The following SLC24A2 variants were observed in gnomAD, a reference collection of about 807,000 sequenced individuals.
The protein encoded by SLC24A2 is sodium/potassium/calcium exchanger 2.
In SLC24A2, 36 loss-of-function variants were observed where a neutral mutation model predicts 62.0. The observed-to-expected ratio is 0.58, with a 90% CI of 0.44 to 0.77. The LOEUF is 0.77. SLC24A2 is among the 30% of genes least tolerant of loss of function. The probability of loss-of-function intolerance (pLI) is 0.00; values close to 1 mark genes in which losing one functional copy is unlikely to be tolerated. For missense variants in SLC24A2, 846 were observed against 817.9 expected, an observed-to-expected ratio of 1.03 and a Z score of -0.42; for synonymous variants, 358 against 294.0, an observed-to-expected ratio of 1.22 and a Z score of -2.23.
chr9:19,963,613 A>T, the SLC24A2 span, among the ~76,000 whole-genome samples: 1 of 152,364 alleles, frequency 6.6e-6, no homozygotes, highest in South Asian at 2.1e-4. Flanking sequence ...AAAACACATG[A>T]AAAAATGCTC....
At chr9:20,218,526 G>A in the SLC24A2 span, among the ~76,000 whole-genome samples, 4 of 152,102 alleles carry the variant, frequency 2.6e-5, no homozygotes, top group African/African-American at 4.8e-5. Flanking sequence ...TCTATATCTA[G>A]AATGTTCTTA....
the SLC24A2 span, among the ~76,000 whole-genome samples, chr9:19,904,384 G>A: frequency 6.6e-6 from 1 of 152,160 alleles, no homozygotes; most frequent in African/African-American, 2.4e-5. Context: ...AGAAGCAAAA[G>A]ACAGGGGAGA....
Position 19,756,818 on chromosome 9 carries a change from T to G in SLC24A2, c.930+29119A>C, listed in dbSNP as rs556760728. 2.0e-5 allele frequency among the ~76,000 whole-genome samples: 3 copies of G among 151,244 alleles called. No homozygotes were observed. In the South Asian group the frequency reaches 6.3e-4, roughly 32 times the overall value. ...AGTCTTTCTCTAGCAAATGCTCAAGTTTAGGGAAGTGTTTTAGGGAGAGAA... is the reference window on the plus strand; with the variant it reads ...AGTCTTTCTCTAGCAAATGCTCAAGGTTAGGGAAGTGTTTTAGGGAGAGAA... On this transcript the variant is annotated intron_variant, in intron 2 of 10. Transcript: ENST00000341998.
At chr9:19,613,417 G>A (rs1817679346) in intron 4 of SLC24A2, among the ~76,000 whole-genome samples, 1 of 152,146 alleles carries the variant, frequency 6.6e-6, no homozygotes, top group Non-Finnish European at 1.5e-5. Flanking sequence ...TCTTTGAACT[G>A]AAACCATCAA....
At chr9:20,234,345 C>T in the SLC24A2 span, among the ~76,000 whole-genome samples, 1 of 152,206 alleles carries the variant, frequency 6.6e-6, no homozygotes, top group Non-Finnish European at 1.5e-5. Context: ...TCCATTCTCC[C>T]CGTCACTTTC....
At chr9:19,545,716 G>A (rs993639466) in intron 8 of SLC24A2, among the ~76,000 whole-genome samples, 40 of 151,562 alleles carry the variant, frequency 2.6e-4, no homozygotes, top group African/African-American at 8.5e-4. Flanking sequence ...ATGGCTCACT[G>A]CAAGCTCCAC....
chr9:19,663,104 TC>T (rs1392822473), intron 2 of SLC24A2, among the ~76,000 whole-genome samples: 1 of 152,196 alleles, frequency 6.6e-6, no homozygotes, highest in Non-Finnish European at 1.5e-5. Context: ...ACATACTGGC[TC>T]ATTTCCTGGA....
rs147397270 is a variant in SLC24A2, at chr9:19,786,914, CAGAT to C, written c.-52_-49del. The C allele has an allele frequency of 4.4e-4, 698 of 1,596,160 alleles. 4 individuals are homozygous for C. The highest frequency in any genetic ancestry group is 5.9e-4 in the Non-Finnish European group (690 of 1,178,042). ...GTGATCTTCCAACTTTAGACTCAAC[CAGAT>C]GGTTCTTTCATACTTTTCCTTACTT... On this transcript the variant is annotated 5_prime_UTR_variant, in exon 2 of 11. An upstream open reading frame in the 5' UTR loses its in-frame stop. Transcript: ENST00000341998. This position sits in a 1 kb window ranked among gnomAD's most constrained non-coding sequence, Gnocchi z 5.0.
At chr9:20,200,021 G>A in the SLC24A2 span, among the ~76,000 whole-genome samples, 2 of 151,242 alleles carry the variant, frequency 1.3e-5, no homozygotes, top group East Asian at 1.9e-4. Flanking sequence ...GTGAGACACC[G>A]CGACCAGCTG....
At chr9:19,788,705 C>T (rs1823252715) in intron 1 of SLC24A2, 180 bp downstream of exon 1, 34 of 985,096 alleles carry the variant, frequency 3.5e-5, no homozygotes, top group Non-Finnish European at 4.1e-5. Context: ...GCGGGGGCTC[C>T]AAATCCACGC....
chr9:19,842,613 T>G, the SLC24A2 span, among the ~76,000 whole-genome samples: 7 of 152,316 alleles, frequency 4.6e-5, no homozygotes, highest in African/African-American at 1.7e-4. Context: ...CTATACTGGT[T>G]TAGAGACCTT....
chr9:19,725,095 C>T (rs1260845194), intron 2 of SLC24A2, among the ~76,000 whole-genome samples: 1 of 152,004 alleles, frequency 6.6e-6, no homozygotes, highest in Non-Finnish European at 1.5e-5. Flanking sequence ...AATTTTGTAC[C>T]CCTAGAGGCA....
intron 2 of SLC24A2, among the ~76,000 whole-genome samples, chr9:19,773,325 G>A (rs956785419): frequency 6.6e-6 from 1 of 152,158 alleles, no homozygotes; most frequent in Admixed American, 6.5e-5. Context: ...TTACATCTCA[G>A]AAAAGCTGTT....
intron 2 of SLC24A2, among the ~76,000 whole-genome samples, chr9:19,746,958 G>T (rs1365249807): frequency 6.6e-6 from 1 of 152,000 alleles, no homozygotes; most frequent in Non-Finnish European, 1.5e-5. Context: ...AAGGAAAAAA[G>T]CCAACTAACA....
chr9:19,776,541 C>A (rs182380998), intron 2 of SLC24A2, among the ~76,000 whole-genome samples: 71 of 152,276 alleles, frequency 4.7e-4, no homozygotes, highest in African/African-American at 1.5e-3. Flanking sequence ...TTTTCCTTGT[C>A]AGAAGCCACA....
chr9:20,285,136 A>G, the SLC24A2 span, among the ~76,000 whole-genome samples: 4 of 152,186 alleles, frequency 2.6e-5, no homozygotes, highest in Admixed American at 6.5e-5. Flanking sequence ...CCTCTTCCCA[A>G]GGAAATAGGT....
the SLC24A2 span, among the ~76,000 whole-genome samples, chr9:20,040,256 G>A: frequency 1.2e-4 from 18 of 152,284 alleles, no homozygotes; most frequent in Admixed American, 9.2e-4. Flanking sequence ...AAATCTTGGT[G>A]CTATGTTTTG....
At chr9:19,749,935 G>A (rs149096204) in intron 2 of SLC24A2, among the ~76,000 whole-genome samples, 21 of 152,188 alleles carry the variant, frequency 1.4e-4, no homozygotes, top group African/African-American at 5.1e-4. Flanking sequence ...CTCCCACCTG[G>A]GATCACCCGT....
chr9:19,603,330 T>C (rs552832593), intron 4 of SLC24A2, among the ~76,000 whole-genome samples: 17 of 152,308 alleles, frequency 1.1e-4, no homozygotes, highest in African/African-American at 3.8e-4. Flanking sequence ...GGCTGGGGGT[T>C]ACAAACACAT....
Sources: allele counts gnomAD v4.1 joint callset (sites outside exome capture counted in the v4.1 genomes callset), GRCh38; gene constraint gnomAD v4.1.1; non-coding constraint Gnocchi (gnomAD v3.1); transcripts MANE v1.5; gene names NCBI Gene and HGNC (gene_info 2026-07-23, HGNC 2026-07-21).